The following ARNT2 variants were observed in gnomAD, a reference collection of about 807,000 sequenced individuals.
The protein encoded by ARNT2 is aryl hydrocarbon receptor nuclear translocator 2, also known as ARNT protein 2.
Under a neutral mutation model 91.7 loss-of-function variants are expected in ARNT2, and 36 were observed. The ratio of observed to expected loss-of-function variants is 0.39; its 90% CI spans 0.30 to 0.52. The LOEUF is 0.52. ARNT2 is among the 20% of genes least tolerant of loss of function. The probability of loss-of-function intolerance (pLI) is 0.72; values close to 1 mark genes in which losing one functional copy is unlikely to be tolerated. For synonymous variants in ARNT2, 365 were observed against 347.1 expected (o/e 1.05, Z -0.57); for missense variants, 775 against 939.3 (o/e 0.83, Z 2.29).
intron 11 of ARNT2, chr15:80,562,775 G>T: frequency 2.8e-6 from 1 of 360,544 alleles, no homozygotes. Context: ...AAACGCTCTG[G>T]CTTGCAGAGT....
At chr15:80,457,530 G>T (rs1217344557) in intron 2 of ARNT2, among the ~76,000 whole-genome samples, 2 of 152,188 alleles carry the variant, frequency 1.3e-5, no homozygotes, top group Non-Finnish European at 2.9e-5. Context: ...TAAGAAAAAA[G>T]TCTTAATGTG....
Position 80,576,966 on chromosome 15 carries a change from G to A in ARNT2, c.1613+1G>A. 1 of 1,613,844 alleles carries A rather than the reference G, an allele frequency of 6.2e-7. No individual in the cohort carries two copies. Among genetic ancestry groups the A allele is most frequent in the Non-Finnish European group, 8.5e-7 (1 of 1,179,908 alleles). Reference sequence around the variant, plus strand: ...CTGGACACTCCGGGAAGGCCTTCAGGTATGTGCCAGCGAGGGGGACAATGG... The same window carrying A: ...CTGGACACTCCGGGAAGGCCTTCAGATATGTGCCAGCGAGGGGGACAATGG... On this transcript the variant is annotated splice_donor_variant, in intron 15 of 18. Transcript: ENST00000303329. LOFTEE classifies it high-confidence loss of function.
At chr15:80,534,855 C>G (rs1197260536) in intron 8 of ARNT2, among the ~76,000 whole-genome samples, 2 of 152,070 alleles carry the variant, frequency 1.3e-5, no homozygotes, top group Non-Finnish European at 2.9e-5. Context: ...TGGTAGTTAC[C>G]CTGCCGAACA....
intron 1 of ARNT2, among the ~76,000 whole-genome samples, chr15:80,408,457 A>C (rs1426774997): frequency 6.6e-6 from 1 of 152,092 alleles, no homozygotes; most frequent in East Asian, 1.9e-4. Context: ...ACTTATAGAG[A>C]ATTTAGGAAT....
At chr15:80,576,153 C>G (rs933359886) in intron 14 of ARNT2, among the ~76,000 whole-genome samples, 4 of 152,160 alleles carry the variant, frequency 2.6e-5, no homozygotes, top group African/African-American at 9.7e-5. Flanking sequence ...ACCCAGAGAG[C>G]TGAGATAAGA....
At chr15:80,559,012 C>A (rs567835401) in intron 11 of ARNT2, among the ~76,000 whole-genome samples, 194 of 152,086 alleles carry the variant, frequency 1.3e-3, no homozygotes, top group African/African-American at 4.4e-3. Context: ...GTGTTGTCTT[C>A]CCCATTTTTT....
At position 80,581,330 on chromosome 15, in the gene ARNT2, C is replaced by G; in HGVS notation, c.1844C>G (p.Pro615Arg). 3.1e-6 allele frequency: 5 copies of G among 1,614,198 alleles called. No homozygotes were observed. Among genetic ancestry groups the G allele is most frequent in the Non-Finnish European group, 4.2e-6 (5 of 1,180,038 alleles). Residue 615 changes from proline to arginine, a missense_variant, in exon 17 of 19, where the codon CCC (proline) becomes CGC (arginine). Transcript: ENST00000303329. Reference protein sequence around the residue: ...TYPADPSSYSPLSSPATSSPS... With the variant: ...TYPADPSSYSRLSSPATSSPS... ...CCGGCAGACCCCTCTTCCTACAGCC[C>G]CCTCTCCAGCCCAGCTACCTCCTCG...
At chr15:80,592,459 G>A (rs1163300861) in intron 18 of ARNT2, among the ~76,000 whole-genome samples, 2 of 152,358 alleles carry the variant, frequency 1.3e-5, no homozygotes, top group East Asian at 3.9e-4. Flanking sequence ...CATGCCCCAG[G>A]CCTGCCCTGC....
At chr15:80,523,394 G>A (rs1169146430) in intron 8 of ARNT2, among the ~76,000 whole-genome samples, 2 of 152,120 alleles carry the variant, frequency 1.3e-5, no homozygotes, top group African/African-American at 4.8e-5. Context: ...GGGGAGTGTG[G>A]TCAGGGCAGG....
intron 15 of ARNT2, among the ~76,000 whole-genome samples, chr15:80,578,926 GCCATA>G (rs1567007146): frequency 6.6e-6 from 1 of 152,186 alleles, no homozygotes; most frequent in Non-Finnish European, 1.5e-5. Context: ...GCCCAATACA[GCCATA>G]GGGAATCCTG....
At chr15:80,525,773 A>T (rs1897630588) in intron 8 of ARNT2, among the ~76,000 whole-genome samples, 1 of 152,172 alleles carries the variant, frequency 6.6e-6, no homozygotes, top group Non-Finnish European at 1.5e-5. Context: ...AAGGTCATAG[A>T]ATTAGAGCAT....
rs966637310 is a variant in ARNT2, at chr15:80,575,078, G to A, written c.1481G>A (p.Arg494Gln). Residue 494 changes from arginine (R) to glutamine (Q), a missense_variant, in exon 14 of 19, where the codon CGG becomes CAG. Around this residue, in one of 5 missense-constraint regions of ARNT2, gnomAD observed 325 missense variants for 359.9 expected, o/e 0.90. Transcript: ENST00000303329. ...DAIFSQERDP[R>Q]FAEMFAGISA... is the part of the protein sequence containing the mutation. ...ATCTTCTCCCAGGAAAGAGATCCTC[G>A]GTTTGCTGAAATGTTTGCAGGAATT... 1.6e-5 allele frequency: 26 copies of A among 1,614,052 alleles called. No homozygotes were observed. Among genetic ancestry groups the A allele is most frequent in the East Asian group, 8.9e-5 (4 of 44,900 alleles).
chr15:80,410,459 G>T (rs538349718), intron 1 of ARNT2, among the ~76,000 whole-genome samples: 1 of 152,184 alleles, frequency 6.6e-6, no homozygotes, highest in Non-Finnish European at 1.5e-5. Context: ...GAGTTGAGCT[G>T]CTTGTGCGAC....
intron 11 of ARNT2, among the ~76,000 whole-genome samples, chr15:80,559,327 A>AGCCCCAGC (rs1567001217): frequency 9.9e-5 from 15 of 151,204 alleles, no homozygotes; most frequent in Admixed American, 3.9e-4. Context: ...CCAGCCCCAG[A>AGCCCCAGC]CCCAGCCCCA....
intron 3 of ARNT2, among the ~76,000 whole-genome samples, chr15:80,465,086 G>C (rs1896634089): frequency 6.6e-6 from 1 of 152,216 alleles, no homozygotes; most frequent in African/African-American, 2.4e-5. Context: ...TCCTTTGCTT[G>C]AGAAGTGCTG....
chr15:80,568,949 C>CAT (rs974648144), intron 12 of ARNT2, among the ~76,000 whole-genome samples: 1 of 152,072 alleles, frequency 6.6e-6, no homozygotes, highest in African/African-American at 2.4e-5. Context: ...CACACACACG[C>CAT]GCGTGCACAC....
intron 8 of ARNT2, among the ~76,000 whole-genome samples, chr15:80,549,898 G>A (rs1898053675): frequency 6.6e-6 from 1 of 152,128 alleles, no homozygotes; most frequent in Admixed American, 6.5e-5. Flanking sequence ...ATATGCACAA[G>A]GTTATTCATT....
In ARNT2 at chr15:80,442,793, T is replaced by C. The variant is rs1896213509; in HGVS notation, c.32-8087T>C. 5.2e-6 allele frequency: 5 copies of C among 953,568 alleles called. No individual in the cohort carries two copies. In the African/African-American group the frequency reaches 7.1e-5, roughly 13 times the overall value. The allele number at this position is 953,568 out of a possible 1,614,324, so 59.1% of individuals were successfully genotyped here. The stretch of plus-strand genomic sequence containing the variant: ...AGTTGTAAATATGCAACTGGCCCAA[T>C]CATATTTTTCTTCTGTCTCTAAAAT... On this transcript the variant is annotated intron_variant, in intron 1 of 18. Coordinates refer to ENST00000303329, the MANE Select transcript of ARNT2 (RefSeq NM_014862.4).
At chr15:80,451,102 C>CTTTT in intron 2 of ARNT2, 108 bp downstream of exon 2, 1 of 1,087,106 alleles carries the variant, frequency 9.2e-7, no homozygotes, top group Non-Finnish European at 1.3e-6. Flanking sequence ...AAAAGCTCAG[C>CTTTT]AGTTTGCATC....
Sources: allele counts gnomAD v4.1 joint callset (sites outside exome capture counted in the v4.1 genomes callset), GRCh38; gene constraint gnomAD v4.1.1; regional missense constraint gnomAD v4.1.1; transcripts MANE v1.5; gene names NCBI Gene and HGNC (gene_info 2026-07-23, HGNC 2026-07-21).